KIAA0232: variants seen among roughly 807,000 people sequenced by gnomAD.
KIAA0232 encodes KIAA0232.
In KIAA0232, 27 loss-of-function variants were observed where a neutral mutation model predicts 122.0. The ratio of observed to expected loss-of-function variants is 0.22; its 90% confidence interval spans 0.16 to 0.31. The LOEUF (loss-of-function observed/expected upper bound fraction) is 0.31. KIAA0232 is among the 10% of genes least tolerant of loss of function. The pLI is 1.00. For synonymous variants in KIAA0232, 613 were observed against 587.6 expected (o/e 1.04, Z -0.63); for missense variants, 1,551 against 1,634.2 (o/e 0.95, Z 0.88).
chr4:6,787,785 C>A (rs577071301), intron 1 of KIAA0232, among the ~76,000 whole-genome samples: 1 of 152,300 alleles, frequency 6.6e-6, no homozygotes, highest in African/African-American at 2.4e-5. Flanking sequence ...CAAATCAAAT[C>A]ATATCATGAC....
At chr4:6,850,728 G>A (rs188726977) in intron 4 of KIAA0232, among the ~76,000 whole-genome samples, 16 of 150,988 alleles carry the variant, frequency 1.1e-4, no homozygotes, top group South Asian at 4.2e-4. Context: ...GTGCAGTGGC[G>A]TTATCTCAGT....
chr4:6,864,595 C>T (rs1412596206), intron 7 of KIAA0232, among the ~76,000 whole-genome samples: 1 of 151,834 alleles, frequency 6.6e-6, no homozygotes, highest in Non-Finnish European at 1.5e-5. Context: ...AAAAATTACC[C>T]AGGCGTGGTG....
rs1041887387 is a variant in KIAA0232, at chr4:6,861,772, A to G, written c.1390A>G (p.Thr464Ala). ...NLHKTYLAAG[T>A]FIDGHFVEMP... is the part of the protein sequence containing the mutation. ...TCATAAAACATACCTCGCAGCAGGT[A>G]CTTTCATTGATGGTCATTTTGTAGA... The change falls in exon 7 of 10, where the codon ACT (threonine) becomes GCT (alanine). Residue 464 changes from threonine (T) to alanine (A), a missense_variant. Around this residue, in one of 5 missense-constraint regions of KIAA0232, gnomAD observed 1,108 missense variants for 1,154.8 expected, o/e 0.96. Transcript: ENST00000307659. 3.7e-6 allele frequency: 6 copies of G among 1,614,174 alleles called. No homozygotes were observed. The highest frequency in any genetic ancestry group is 5.1e-6 in the Non-Finnish European group (6 of 1,180,020).
chr4:6,824,590 A>C lies in KIAA0232; in HGVS notation c.137A>C (p.Glu46Ala), dbSNP rs1718581813. ...LGPVQTWLGQ[E>A]LEKCGIDAMI... is the part of the protein sequence containing the mutation. ...CCAGTGCAGACCTGGCTGGGACAAG[A>C]GCTCGAGAAATGTGGCATTGATGCC... is the stretch of plus-strand genomic sequence containing the variant. The change falls in exon 3 of 10, where the codon GAG becomes GCG. Residue 46 changes from glutamate (E) to alanine (A), a missense_variant. Glu to Ala is a moderately radical substitution (Grantham distance 107). Transcript: ENST00000307659. 6.2e-7 allele frequency: 1 copy of C among 1,614,068 alleles called. No homozygotes were observed. Among genetic ancestry groups the C allele is most frequent in the Non-Finnish European group, 8.5e-7 (1 of 1,180,040 alleles).
chr4:6,797,976 T>C (rs970793292), intron 1 of KIAA0232, among the ~76,000 whole-genome samples: 7 of 150,326 alleles, frequency 4.7e-5, no homozygotes, highest in African/African-American at 1.7e-4. Flanking sequence ...GAGAATGGCA[T>C]GAACCCGAGA....
At chr4:6,783,547 G>C (rs1479935915) in intron 1 of KIAA0232, among the ~76,000 whole-genome samples, 1 of 152,100 alleles carries the variant, frequency 6.6e-6, no homozygotes. Context: ...GCTCGCTCGC[G>C]TTCCCTCCGT....
intron 1 of KIAA0232, among the ~76,000 whole-genome samples, chr4:6,797,016 G>A (rs769433560): frequency 2.6e-5 from 4 of 152,154 alleles, no homozygotes; most frequent in South Asian, 2.1e-4. Context: ...GCAGCACGTC[G>A]ACTTCTTTTT....
At chr4:6,850,672 CT>C (rs373194091) in intron 4 of KIAA0232, among the ~76,000 whole-genome samples, 2,765 of 139,624 alleles carry the variant, frequency 0.02, 50 homozygotes, top group African/African-American at 0.056. Flanking sequence ...AAGGAACATT[CT>C]TTTTTTTTTT....
chr4:6,857,111 C>A, intron 4 of KIAA0232, 53 bp from the exon 5 acceptor site: 3 of 1,329,708 alleles, frequency 2.3e-6, no homozygotes, highest in South Asian at 1.5e-5. Context: ...ATACAAATAC[C>A]TGATTTGTAC....
At chr4:6,797,794 G>T (rs1342681155) in intron 1 of KIAA0232, among the ~76,000 whole-genome samples, 2 of 148,050 alleles carry the variant, frequency 1.4e-5, no homozygotes, top group African/African-American at 2.5e-5. Flanking sequence ...AAAAAAGGCC[G>T]GGCGCGGTGG....
Position 6,823,094 on chromosome 4 carries a change from T to C in KIAA0232, c.-269-1091T>C, listed in dbSNP as rs555361294. Among the ~76,000 whole-genome samples, 54 of 151,936 alleles carry C rather than the reference T, an allele frequency of 3.6e-4. 1 individual carries two copies. The South Asian group carries it at 9.4e-3, about 26-fold the overall frequency. ...ATTTCCAGTTTCATCCATGTCCCTA[T>C]AAAGGACATGAACTCATCATTTTTT... On this transcript the variant is annotated intron_variant, in intron 2 of 9. Transcript: ENST00000307659.
rs1392706279 is a variant in KIAA0232, at chr4:6,853,235, A to T, written c.370-3929A>T. 3.9e-5 allele frequency among the ~76,000 whole-genome samples: 6 copies of T among 152,336 alleles called. No homozygotes were observed. In the East Asian group the frequency reaches 1.2e-3, roughly 29 times the overall value. On this transcript the variant is annotated intron_variant, in intron 4 of 9. Coordinates refer to ENST00000307659, the MANE Select transcript of KIAA0232 (RefSeq NM_014743.3). ...GAAGAAACATTTGAGGGATGAGATGATCCTTTAAAAATTATAACCATGATA... is the reference window on the plus strand; with the variant it reads ...GAAGAAACATTTGAGGGATGAGATGTTCCTTTAAAAATTATAACCATGATA...
intron 2 of KIAA0232, among the ~76,000 whole-genome samples, chr4:6,807,986 T>G (rs1315453538): frequency 6.6e-6 from 1 of 152,176 alleles, no homozygotes; most frequent in Non-Finnish European, 1.5e-5. Context: ...GAGAATCCCT[T>G]GAACCTGGGA....
chr4:6,867,822 A>T (rs1331090871), intron 7 of KIAA0232, among the ~76,000 whole-genome samples: 2 of 152,182 alleles, frequency 1.3e-5, no homozygotes, highest in Non-Finnish European at 2.9e-5. Context: ...AAAGACACAT[A>T]GGCTCTGAGA....
chr4:6,883,792 CCTT>C lies in KIAA0232; in HGVS notation c.*2829_*2831del, dbSNP rs1314409874. 6.6e-6 allele frequency: 1 copy of C among 152,144 alleles called. No homozygotes were observed. The highest frequency in any genetic ancestry group is 1.5e-5 in the Non-Finnish European group (1 of 68,020). 9.4% of individuals were successfully genotyped at this position (152,144 alleles called of 1,614,324 possible). On this transcript the variant is annotated 3_prime_UTR_variant, in exon 10 of 10. Coordinates refer to ENST00000307659, the MANE Select transcript of KIAA0232 (RefSeq NM_014743.3). Reference sequence around the variant, plus strand: ...TAAGGGAAAAGGAAAACTCATATGTCCTTCTGTCACTCTGAGACATACACTGGT... The same window carrying C: ...TAAGGGAAAAGGAAAACTCATATGTCCTGTCACTCTGAGACATACACTGGT...
intron 2 of KIAA0232, among the ~76,000 whole-genome samples, chr4:6,807,688 T>G (rs1717702936): frequency 6.6e-6 from 1 of 152,244 alleles, no homozygotes; most frequent in Non-Finnish European, 1.5e-5. Context: ...ATGGATTTTC[T>G]CTTCTGGCTG....
intron 3 of KIAA0232, among the ~76,000 whole-genome samples, chr4:6,831,314 A>G (rs1427745812): frequency 6.6e-6 from 1 of 152,142 alleles, no homozygotes; most frequent in African/African-American, 2.4e-5. Context: ...TCGGCCTCCC[A>G]AAGCGCTGGG....
At chr4:6,853,453 C>A (rs919830947) in intron 4 of KIAA0232, among the ~76,000 whole-genome samples, 1 of 152,122 alleles carries the variant, frequency 6.6e-6, no homozygotes, top group Non-Finnish European at 1.5e-5. Context: ...GAAACTGAGG[C>A]TTTGATAGGT....
intron 2 of KIAA0232, among the ~76,000 whole-genome samples, chr4:6,809,521 A>G (rs143655364): frequency 3.0e-4 from 45 of 152,302 alleles, no homozygotes; most frequent in African/African-American, 1.1e-3. Flanking sequence ...ATCCCTGCCA[A>G]TCCAGGATGA....
Sources: allele counts gnomAD v4.1 joint callset (sites outside exome capture counted in the v4.1 genomes callset), GRCh38; gene constraint gnomAD v4.1.1; regional missense constraint gnomAD v4.1.1; transcripts MANE v1.5; gene names NCBI Gene and HGNC (gene_info 2026-07-23, HGNC 2026-07-21).